Variants in SGCD observed in about 807,000 individuals in gnomAD.
SGCD encodes sarcoglycan delta, also known as delta-sarcoglycan.
In SGCD, 18 loss-of-function variants were observed where a neutral mutation model predicts 36.6. That is an observed-to-expected ratio of 0.49 (90% CI 0.34 to 0.73). The LOEUF (loss-of-function observed/expected upper bound fraction) is 0.73. SGCD is among the 30% of genes least tolerant of loss of function. SGCD has a pLI of 0.01. For missense variants in SGCD, 387 were observed against 346.7 expected (o/e 1.12, Z -0.92); for synonymous variants, 133 against 130.6 (o/e 1.02, Z -0.12).
intron 1 of SGCD, among the ~76,000 whole-genome samples, chr5:155,891,558 C>CTTTTTTTTTTTTTTTTTT (rs372399423): frequency 0.012 from 752 of 60,732 alleles, 176 homozygotes; most frequent in African/African-American, 0.025. Context: ...AATAAATACT[C>CTTTTTTTTTTTTTTTTTT]TTTTTTTTTT....
intron 6 of SGCD, among the ~76,000 whole-genome samples, chr5:156,614,369 T>C (rs1761947319): frequency 6.6e-6 from 1 of 152,128 alleles, no homozygotes; most frequent in Non-Finnish European, 1.5e-5. Context: ...TTCACCACAC[T>C]CTATGACTTC....
chr5:156,559,276 G>T (rs1215659190), intron 4 of SGCD, among the ~76,000 whole-genome samples: 1 of 152,044 alleles, frequency 6.6e-6, no homozygotes, highest in Non-Finnish European at 1.5e-5. Flanking sequence ...TGGAATACCC[G>T]CATCTGTCAT....
rs1473528771 is a variant in SGCD, at chr5:156,761,630, T to TTAAAG, written c.*2243_*2247dup. On this transcript the variant is annotated 3_prime_UTR_variant, in exon 9 of 9. Coordinates refer to ENST00000337851, the MANE Select transcript of SGCD (RefSeq NM_000337.6). ...TAGATAGGTTAAGACAGGTGATTTT[T>TTAAAG]TAAAGTAGACTGTCTTTGCATTTTG... 1 of 152,194 alleles carries TTAAAG rather than the reference T, an allele frequency of 6.6e-6. No individual in the cohort carries two copies. Among genetic ancestry groups the TTAAAG allele is most frequent in the Non-Finnish European group, 1.5e-5 (1 of 68,042 alleles). The allele number at this position is 152,194 out of a possible 1,614,324, so 9.4% of individuals were successfully genotyped here.
At chr5:155,781,359 C>T in the SGCD span, among the ~76,000 whole-genome samples, 20 of 152,306 alleles carry the variant, frequency 1.3e-4, no homozygotes, top group East Asian at 5.8e-4. Flanking sequence ...TATCACACCT[C>T]GCAAACCCTC....
intron 6 of SGCD, among the ~76,000 whole-genome samples, chr5:156,618,675 T>A (rs1349757857): frequency 6.6e-6 from 1 of 151,888 alleles, no homozygotes; most frequent in East Asian, 1.9e-4. Flanking sequence ...CACTGATGTC[T>A]GTAGGCAGCA....
At chr5:156,405,292 A>G (rs1772348932) in intron 3 of SGCD, among the ~76,000 whole-genome samples, 1 of 152,214 alleles carries the variant, frequency 6.6e-6, no homozygotes, top group South Asian at 2.1e-4. Context: ...GGCGATGACA[A>G]ATAAATGCCA....
chr5:156,319,150 C>T (rs1411437200), intron 3 of SGCD, among the ~76,000 whole-genome samples: 1 of 152,138 alleles, frequency 6.6e-6, no homozygotes, highest in Non-Finnish European at 1.5e-5. Flanking sequence ...TAATGCAGCT[C>T]AGCCAGACTG....
At chr5:156,482,984 G>A (rs1157611955) in intron 3 of SGCD, among the ~76,000 whole-genome samples, 1 of 151,960 alleles carries the variant, frequency 6.6e-6, no homozygotes, top group Non-Finnish European at 1.5e-5. Flanking sequence ...TCAGCCTCTA[G>A]CCACCAGATG....
chr5:156,422,704 T>C (rs1289226256), intron 3 of SGCD, among the ~76,000 whole-genome samples: 1 of 151,992 alleles, frequency 6.6e-6, no homozygotes, highest in East Asian at 1.9e-4. Context: ...TTGTGGTACA[T>C]ATCCCATGCA....
chr5:156,711,369 A>G (rs1754986702), intron 7 of SGCD, among the ~76,000 whole-genome samples: 1 of 152,220 alleles, frequency 6.6e-6, no homozygotes, highest in Admixed American at 6.5e-5. Context: ...ATGGCTTACT[A>G]CTAAGTTCCT....
intron 1 of SGCD, among the ~76,000 whole-genome samples, chr5:155,955,805 A>G (rs1757638503): frequency 6.6e-6 from 1 of 152,146 alleles, no homozygotes; most frequent in South Asian, 2.1e-4. Context: ...GTCAACTAAT[A>G]GTTGCCTCTT....
intron 3 of SGCD, among the ~76,000 whole-genome samples, chr5:156,128,893 C>T (rs1192987815): frequency 6.6e-6 from 1 of 152,192 alleles, no homozygotes; most frequent in African/African-American, 2.4e-5. Flanking sequence ...AATAAAAAGA[C>T]TGTCACACAT....
intron 3 of SGCD, among the ~76,000 whole-genome samples, chr5:156,149,683 G>A (rs966978697): frequency 6.6e-6 from 1 of 152,132 alleles, no homozygotes; most frequent in Non-Finnish European, 1.5e-5. Flanking sequence ...AGGGGCCAGG[G>A]GAGGTGGGGA....
the SGCD span, among the ~76,000 whole-genome samples, chr5:155,757,479 G>A: frequency 6.6e-6 from 1 of 152,184 alleles, no homozygotes; most frequent in African/African-American, 2.4e-5. Flanking sequence ...GAAATGGAAA[G>A]ACAGAACCTT....
chr5:155,762,331 G>A, the SGCD span, among the ~76,000 whole-genome samples: 1 of 152,070 alleles, frequency 6.6e-6, no homozygotes, highest in Non-Finnish European at 1.5e-5. Flanking sequence ...TATGGTTAAT[G>A]CATCTTATAG....
chr5:156,410,792 A>G (rs886628480), intron 3 of SGCD, among the ~76,000 whole-genome samples: 5 of 152,072 alleles, frequency 3.3e-5, no homozygotes, highest in African/African-American at 1.2e-4. Context: ...TACATGAGCT[A>G]TTAGACCCAT....
chr5:155,940,260 A>G (rs182028355), intron 1 of SGCD, among the ~76,000 whole-genome samples: 10 of 152,174 alleles, frequency 6.6e-5, no homozygotes, highest in African/African-American at 2.4e-4. Flanking sequence ...TTCTCCCTCA[A>G]GTATCCTATG....
At chr5:156,217,339 T>C (rs1764601697) in intron 3 of SGCD, among the ~76,000 whole-genome samples, 1 of 152,174 alleles carries the variant, frequency 6.6e-6, no homozygotes, top group South Asian at 2.1e-4. Flanking sequence ...GTTTTAAGGG[T>C]TATTTCAAAA....
chr5:155,892,300 A>T (rs1037728337), intron 1 of SGCD, among the ~76,000 whole-genome samples: 1 of 151,982 alleles, frequency 6.6e-6, no homozygotes, highest in Non-Finnish European at 1.5e-5. Context: ...TACTAAAAAT[A>T]CAAAAATTAG....
Sources: allele counts gnomAD v4.1 joint callset (sites outside exome capture counted in the v4.1 genomes callset), GRCh38; gene constraint gnomAD v4.1.1; transcripts MANE v1.5; gene names NCBI Gene and HGNC (gene_info 2026-07-23, HGNC 2026-07-21).